Variants in MTR observed in about 807,000 individuals in gnomAD.
The protein encoded by MTR is methionine synthase.
A neutral mutation model predicts 154.8 loss-of-function variants in MTR; 84 were observed. That is an observed-to-expected ratio of 0.54 (90% CI 0.45 to 0.65). The LOEUF is 0.65. Ranked by LOEUF, MTR falls within the 30% of genes least tolerant of loss-of-function variation. The pLI is 0.00. For missense variants in MTR, 1,275 were observed against 1,570.2 expected (o/e 0.81, Z 3.18); for synonymous variants, 554 against 553.9 (o/e 1.00, Z 0.00).
chr1:236,853,244 G>A (rs1320796880), intron 18 of MTR, among the ~76,000 whole-genome samples, 156 bp downstream of exon 18: 3 of 152,198 alleles, frequency 2.0e-5, no homozygotes, highest in Non-Finnish European at 2.9e-5. Flanking sequence ...AGATGGTGGT[G>A]TAGCTAGGGC....
rs1260887580 is a variant in MTR, at chr1:236,796,923, CAAGT to C, written c.34+1189_34+1192del. Among the ~76,000 whole-genome samples, 8 of 151,726 alleles carry C rather than the reference CAAGT, an allele frequency of 5.3e-5. 1 individual carries two copies. The highest frequency in any genetic ancestry group is 3.2e-3 in the Middle Eastern group (1 of 316). On this transcript the variant is annotated intron_variant, in intron 1 of 32. Coordinates refer to ENST00000366577, the MANE Select transcript of MTR (RefSeq NM_000254.3). Reference sequence around the variant, plus strand: ...CCTCCCCCTTCCCATTTAATTTAAACAAGTAAAGTTATTTCCCTTTCATCTGAAT... The same window carrying C: ...CCTCCCCCTTCCCATTTAATTTAAACAAAGTTATTTCCCTTTCATCTGAAT...
At chr1:236,803,699 A>T in intron 2 of MTR, 57 bp downstream of exon 2, 1 of 1,532,058 alleles carries the variant, frequency 6.5e-7, no homozygotes, top group Non-Finnish European at 9.0e-7. Flanking sequence ...AAGCTGTTTC[A>T]TGTATCAGGG....
intron 24 of MTR, among the ~76,000 whole-genome samples, chr1:236,876,185 G>C (rs917075759): frequency 6.6e-6 from 1 of 152,210 alleles, no homozygotes; most frequent in East Asian, 1.9e-4. Context: ...AAGTTTATAC[G>C]TGAAATTAAC....
chr1:236,796,587 C>T (rs550782886), intron 1 of MTR, among the ~76,000 whole-genome samples: 2 of 151,942 alleles, frequency 1.3e-5, no homozygotes, highest in Non-Finnish European at 2.9e-5. Flanking sequence ...GGAAATTTAT[C>T]AGAGGTTAAC....
chr1:236,870,936 G>A (rs1365711689), intron 22 of MTR, among the ~76,000 whole-genome samples: 1 of 152,014 alleles, frequency 6.6e-6, no homozygotes, highest in Non-Finnish European at 1.5e-5. Context: ...GTATTTCCAG[G>A]ATCTGACCAC....
rs887197898 is a variant in MTR at position 236,886,697 on chromosome 1, C to T, written c.2851+330C>T. On this transcript the variant is annotated intron_variant, in intron 27 of 32. Transcript: ENST00000366577. ...ACTTGAAAGGTTACTAGGAATCTCT[C>T]TCTGGTCTGTCTTCTAAAGCCATGC... 3.3e-5 allele frequency among the ~76,000 whole-genome samples: 5 copies of T among 152,210 alleles called. No homozygotes were observed. In the South Asian group the frequency reaches 1.0e-3, roughly 32 times the overall value.
At chr1:236,889,129 C>T in intron 27 of MTR, 52 bp from the exon 28 acceptor site, 1 of 1,610,322 alleles carries the variant, frequency 6.2e-7, no homozygotes, top group East Asian at 2.2e-5. Context: ...GGGAGGCCTC[C>T]ATCAGGCAGG....
intron 11 of MTR, 65 bp from the exon 12 acceptor site, chr1:236,829,124 A>G: frequency 7.9e-7 from 1 of 1,269,894 alleles, no homozygotes; most frequent in Non-Finnish European, 1.1e-6. Flanking sequence ...TTAGTTTTGA[A>G]ATTAGTTTCA....
chr1:236,870,246 A>G (rs1665051254), intron 22 of MTR, among the ~76,000 whole-genome samples: 1 of 152,158 alleles, frequency 6.6e-6, no homozygotes, highest in Admixed American at 6.5e-5. Flanking sequence ...AAGGCAGGCT[A>G]ATTAGCTGGA....
chr1:236,866,944 A>G (rs941203310), intron 22 of MTR, among the ~76,000 whole-genome samples: 1 of 152,250 alleles, frequency 6.6e-6, no homozygotes, highest in Non-Finnish European at 1.5e-5. Flanking sequence ...AGGTTGGTTC[A>G]TGAGGTTTAA....
At chr1:236,824,318 G>A (rs189513446) in intron 9 of MTR, 99 bp downstream of exon 9, 84 of 1,054,324 alleles carry the variant, frequency 8.0e-5, no homozygotes, top group African/African-American at 7.6e-4. Flanking sequence ...TTGTTTTGCC[G>A]GTGTTGGTAT....
chr1:236,808,327 CT>C (rs1214927536), intron 3 of MTR, among the ~76,000 whole-genome samples: 1 of 152,150 alleles, frequency 6.6e-6, no homozygotes, highest in African/African-American at 2.4e-5. Flanking sequence ...CAGTGACAGA[CT>C]AGTGCTTGAA....
rs1176546023 is a variant in MTR, at chr1:236,850,424, T to C, written c.1596T>C (p.Asn532=). Residue 532 remains asparagine, a synonymous_variant, in exon 16 of 33, where the codon AAT becomes AAC. Transcript: ENST00000366577. ...LLVKKLGFNP[N]DIIFDPNILT... ...TGAAAAAACTGGGCTTTAATCCAAA[T>C]GACATTATTTTTGACCCTAATATCC... is the stretch of plus-strand genomic sequence containing the variant. 5.0e-6 allele frequency: 8 copies of C among 1,613,684 alleles called. No individual in the cohort carries two copies. The highest frequency in any genetic ancestry group is 6.8e-6 in the Non-Finnish European group (8 of 1,179,922).
chr1:236,882,894 G>A (rs1333994249), intron 25 of MTR, among the ~76,000 whole-genome samples: 1 of 152,230 alleles, frequency 6.6e-6, no homozygotes, highest in Non-Finnish European at 1.5e-5. Context: ...GGTAACTGCT[G>A]GTGACACTTC....
At chr1:236,812,902 T>C in intron 6 of MTR, 58 bp downstream of exon 6, 1 of 1,251,048 alleles carries the variant, frequency 8.0e-7, no homozygotes, top group Non-Finnish European at 1.2e-6. Context: ...GTGAGTCCCC[T>C]AATGTAGGGA....
Position 236,899,521 on chromosome 1 carries a change from ATATGT to A in MTR, c.*1880_*1884del, listed in dbSNP as rs766048403. On this transcript the variant is annotated 3_prime_UTR_variant, in exon 33 of 33. Transcript: ENST00000366577. ...CACCTTACCTGGTGATAAGTTCCAA[ATATGT>A]TAAGGGCTTTAATACAAAAAGCAAA... is the stretch of plus-strand genomic sequence containing the variant. 6.6e-6 allele frequency: 1 copy of A among 152,222 alleles called. No homozygotes were observed. The highest frequency in any genetic ancestry group is 1.5e-5 in the Non-Finnish European group (1 of 68,042). The allele number at this position is 152,222 out of a possible 1,614,324, so 9.4% of individuals were successfully genotyped here.
Position 236,902,937 on chromosome 1 carries a change from TG to T in MTR, c.*5294del, listed in dbSNP as rs1196011227. The T allele has an allele frequency of 6.6e-6, 1 of 152,214 alleles. No individual in the cohort carries two copies. The highest frequency in any genetic ancestry group is 1.5e-5 in the Non-Finnish European group (1 of 68,034). The allele number at this position is 152,214 out of a possible 1,614,324, so 9.4% of individuals were successfully genotyped here. A position where few individuals can be genotyped will look rare whatever the true frequency, so the allele number is the denominator to read the frequency against. ...GAACTGAAAGTATATTCTGATTCGG[TG>T]TGTGTATAAGGAAATATACACCAGT... On this transcript the variant is annotated 3_prime_UTR_variant, in exon 33 of 33. Coordinates refer to ENST00000366577, the MANE Select transcript of MTR (RefSeq NM_000254.3).
chr1:236,824,274 C>A, intron 9 of MTR, 55 bp downstream of exon 9: 1 of 1,344,958 alleles, frequency 7.4e-7, no homozygotes, highest in Non-Finnish European at 1.1e-6. Context: ...TAAGACATGG[C>A]ATAGATGAGG....
chr1:236,897,327 CACACACACACACACACAT>C, intron 32 of MTR, among the ~76,000 whole-genome samples: 1 of 150,840 alleles, frequency 6.6e-6, no homozygotes, highest in East Asian at 2.1e-4. Flanking sequence ...CACACACACA[CACACACACACACACACAT>C]ACAGCTTCTA....
Sources: gnomAD v4.1 joint callset for allele counts (sites outside exome capture counted in the v4.1 genomes callset) on GRCh38, gnomAD v4.1.1 for gene constraint, MANE v1.5 for transcripts, NCBI Gene and HGNC (gene_info 2026-07-23, HGNC 2026-07-21) for gene names.